SVIL: variants seen among roughly 807,000 people sequenced by gnomAD.
SVIL encodes archvillin.
Under a neutral mutation model 240.4 loss-of-function variants are expected in SVIL, and 101 were observed. The observed-to-expected ratio is 0.42, with a 90% confidence interval of 0.36 to 0.50. The LOEUF is 0.50. Among genes scored for constraint, SVIL ranks in the 20% least tolerant of loss-of-function variants. The pLI, the probability that SVIL is intolerant of heterozygous loss-of-function variation, is 0.01. For synonymous variants in SVIL, 999 were observed against 1,100.0 expected (o/e 0.91, Z 1.82); for missense variants, 2,512 against 2,818.7 (o/e 0.89, Z 2.46).
exon 3 of SVIL, chr10:29,658,023 A>G (rs943117496): frequency 1.3e-5 from 2 of 152,244 alleles, no homozygotes; most frequent in African/African-American, 2.4e-5. Flanking sequence ...CAAAATCATC[A>G]TATCTCAGCT....
intron 1 of SVIL, among the ~76,000 whole-genome samples, chr10:29,595,833 T>C (rs1956562841): frequency 1.3e-5 from 2 of 152,174 alleles, no homozygotes; most frequent in African/African-American, 4.8e-5. Context: ...GGTGAGCTGA[T>C]GAAGTGACTC....
At chr10:29,516,655 T>A (rs1950220547) in intron 16 of SVIL, among the ~76,000 whole-genome samples, 1 of 152,260 alleles carries the variant, frequency 6.6e-6, no homozygotes, top group South Asian at 2.1e-4. Context: ...AGGACTGTGA[T>A]GCTGGGAGCC....
chr10:29,619,382 A>G (rs1957542684), intron 1 of SVIL, among the ~76,000 whole-genome samples: 1 of 152,220 alleles, frequency 6.6e-6, no homozygotes, highest in Non-Finnish European at 1.5e-5. Context: ...TGTTCAGTTA[A>G]AACTAAAACT....
Position 29,487,396 on chromosome 10 carries a change from TAA to T in SVIL, c.4349-99_4349-98del, listed in dbSNP as rs34472178. Reference sequence around the variant, plus strand: ...TCCCTGCTGCGGACGCTTTCACTTCTAAAGAGTCTTGTCTGCTAATAAGAGTG... The same window carrying T: ...TCCCTGCTGCGGACGCTTTCACTTCTAGAGTCTTGTCTGCTAATAAGAGTG... On this transcript the variant is annotated intron_variant, in intron 23 of 37. Coordinates refer to ENST00000355867, the MANE Select transcript of SVIL (RefSeq NM_021738.3). The T allele has an allele frequency of 0.18, 229,874 of 1,305,084 alleles. 26,775 individuals carry two copies. Among genetic ancestry groups the T allele is most frequent in the East Asian group, 0.51 (19,674 of 38,736 alleles). 80.8% of individuals were successfully genotyped at this position (1,305,084 alleles called of 1,614,324 possible). A position where few individuals can be genotyped will look rare whatever the true frequency, so the allele number is the denominator to read the frequency against.
chr10:29,500,305 G>A (rs375868126), intron 17 of SVIL, among the ~76,000 whole-genome samples: 2,529 of 152,192 alleles, frequency 0.017, 45 homozygotes, highest in African/African-American at 0.036. Flanking sequence ...TCCCTGCACC[G>A]CAAGACCCCT....
chr10:29,539,270 C>T (rs935099797), intron 6 of SVIL, among the ~76,000 whole-genome samples: 5 of 152,182 alleles, frequency 3.3e-5, no homozygotes, highest in African/African-American at 1.2e-4. Flanking sequence ...TATCTTTTTC[C>T]TTCTTCACAG....
chr10:29,547,705 T>A lies in SVIL; in HGVS notation c.827+2892A>T, dbSNP rs148473498. Among the ~76,000 whole-genome samples, 3 of 152,348 alleles carry A rather than the reference T, an allele frequency of 2.0e-5. No homozygotes were observed. The East Asian group carries it at 5.8e-4, about 29-fold the overall frequency. ...CTCAACAAAGTCTTAATTACTATTA[T>A]AACTGATTTAAAATCTATTTGAGAA... On this transcript the variant is annotated intron_variant, in intron 6 of 37. Transcript: ENST00000355867.
chr10:29,546,645 G>A (rs1952717713), intron 6 of SVIL, among the ~76,000 whole-genome samples: 1 of 152,184 alleles, frequency 6.6e-6, no homozygotes, highest in Non-Finnish European at 1.5e-5. Context: ...GTGTACAGGT[G>A]TTAATGTACG....
intron 2 of SVIL, among the ~76,000 whole-genome samples, chr10:29,673,700 C>T (rs2133063805): frequency 6.6e-6 from 1 of 152,238 alleles, no homozygotes; most frequent in South Asian, 2.1e-4. Context: ...ATGGGGGAAA[C>T]CGCCTCCATG....
At chr10:29,566,577 C>T (rs977955690) in intron 2 of SVIL, among the ~76,000 whole-genome samples, 6 of 152,198 alleles carry the variant, frequency 3.9e-5, no homozygotes, top group Non-Finnish European at 8.8e-5. Context: ...TGAACTTTCT[C>T]TACCCGAGGG....
intron 6 of SVIL, 84 bp from the exon 7 acceptor site, chr10:29,536,153 A>G (rs986054504): frequency 4.7e-5 from 61 of 1,303,892 alleles, no homozygotes; most frequent in Non-Finnish European, 5.1e-5. Context: ...TAAAACCTAA[A>G]GGCTGATTTT....
intron 1 of SVIL, among the ~76,000 whole-genome samples, chr10:29,578,392 T>C (rs1453428765): frequency 6.6e-6 from 1 of 152,188 alleles, no homozygotes; most frequent in Non-Finnish European, 1.5e-5. Flanking sequence ...AATCCTGGCA[T>C]GAATGAATGG....
intron 10 of SVIL, 64 bp downstream of exon 10, chr10:29,531,190 C>T (rs1245262027): frequency 6.5e-7 from 1 of 1,542,596 alleles, no homozygotes; most frequent in African/African-American, 1.4e-5. Context: ...AGCCAAAAAC[C>T]TTATTATTAA....
chr10:29,471,897 T>C (rs765744699), intron 30 of SVIL, among the ~76,000 whole-genome samples: 2 of 152,358 alleles, frequency 1.3e-5, no homozygotes, highest in South Asian at 2.1e-4. Flanking sequence ...CCATTTTGCA[T>C]AACCAATTGC....
chr10:29,627,815 T>C (rs1236506459), intron 1 of SVIL, among the ~76,000 whole-genome samples: 2 of 152,230 alleles, frequency 1.3e-5, no homozygotes, highest in African/African-American at 4.8e-5. Flanking sequence ...CAATTTTATC[T>C]AATCACAGAA....
At chr10:29,605,602 T>C (rs1442637340) in intron 1 of SVIL, among the ~76,000 whole-genome samples, 1 of 151,856 alleles carries the variant, frequency 6.6e-6, no homozygotes, top group African/African-American at 2.4e-5. Flanking sequence ...TCTATATTAA[T>C]ATATTAGCCA....
intron 1 of SVIL, among the ~76,000 whole-genome samples, chr10:29,690,694 CATA>C (rs765266119): frequency 6.6e-6 from 1 of 152,098 alleles, no homozygotes. Context: ...AAGGTGAAAG[CATA>C]ATAATGTATT....
chr10:29,696,341 G>A (rs1961991829), intron 1 of SVIL, among the ~76,000 whole-genome samples: 1 of 152,138 alleles, frequency 6.6e-6, no homozygotes, highest in Non-Finnish European at 1.5e-5. Context: ...GCCCCCCAAA[G>A]TGCGGAGATT....
rs922780194 is a variant in SVIL at position 29,644,052 on chromosome 10, C to T, written c.-201+13917G>A. 3.5e-5 allele frequency: 18 copies of T among 516,466 alleles called. No individual in the cohort carries two copies. The East Asian group carries it at 3.8e-4, about 11-fold the overall frequency. 32.0% of individuals were successfully genotyped at this position (516,466 alleles called of 1,614,324 possible). A position where few individuals can be genotyped will look rare whatever the true frequency, so the allele number is the denominator to read the frequency against. On this transcript the variant is annotated intron_variant, in intron 3 of 35. Transcript: ENST00000375400. ...GAGATGTACAAAGTGTGACATGCTCCGTTTGGGCCACTAGATATCTAAAAA... is the reference window on the plus strand; with the variant it reads ...GAGATGTACAAAGTGTGACATGCTCTGTTTGGGCCACTAGATATCTAAAAA...
Sources: gnomAD v4.1 joint callset for allele counts (sites outside exome capture counted in the v4.1 genomes callset) on GRCh38, gnomAD v4.1.1 for gene constraint, MANE v1.5 for transcripts, NCBI Gene and HGNC (gene_info 2026-07-23, HGNC 2026-07-21) for gene names.